Variants in GSE1 observed in about 807,000 individuals in gnomAD.
GSE1 encodes Gse1 coiled-coil protein.
A neutral mutation model predicts 112.6 loss-of-function variants in GSE1; 32 were observed. That is an observed-to-expected ratio of 0.28 (90% CI 0.21 to 0.38). The LOEUF (loss-of-function observed/expected upper bound fraction) is 0.38. GSE1 is among the 10% of genes least tolerant of loss of function. The pLI, the probability that GSE1 is intolerant of heterozygous loss-of-function variation, is 1.00. For missense variants in GSE1, 2,348 were observed against 1,699.2 expected (o/e 1.38, Z -6.71); for synonymous variants, 1,115 against 735.6 (o/e 1.52, Z -8.35).
chr16:85,419,664 C>T lies in GSE1; in HGVS notation c.2464+62021C>T, dbSNP rs574854132. ...TAACATTATGCCAGAACATGCCAGC[C>T]TTTCTCATGCCTCGGGTGCAGTCGT... On this transcript the variant is annotated intron_variant, in intron 2 of 2. Coordinates refer to the GSE1 transcript ENST00000637419. This position sits in a 1 kb window ranked among gnomAD's most constrained non-coding sequence, Gnocchi z 6.5. Among the ~76,000 whole-genome samples, 3 of 152,128 alleles carry T rather than the reference C, an allele frequency of 2.0e-5. No homozygotes were observed. The highest frequency in any genetic ancestry group is 4.8e-5 in the African/African-American group (2 of 41,418).
chr16:85,331,702 TATATA>T lies in GSE1; in HGVS notation c.2284-25760_2284-25756del, dbSNP rs1180272225. Among the ~76,000 whole-genome samples the T allele has an allele frequency of 4.2e-3, 225 of 53,112 alleles. 7 individuals are homozygous for T. The highest frequency in any genetic ancestry group is 5.4e-3 in the African/African-American group (86 of 15,950). The allele number at this position is 53,112 out of a possible 152,430, so 34.8% of individuals were successfully genotyped here. A position where few individuals can be genotyped will look rare whatever the true frequency, so the allele number is the denominator to read the frequency against. Reference sequence around the variant, plus strand: ...GTGTGTGTGTATATATATATATATATATATATTTTTTTTTTTTTTTTTTTTAGTTA... The same window carrying T: ...GTGTGTGTGTATATATATATATATATTTTTTTTTTTTTTTTTTTTTAGTTA... On this transcript the variant is annotated intron_variant, in intron 1 of 2. Transcript: ENST00000637419.
chr16:85,396,285 G>C (rs938314456), intron 2 of GSE1, among the ~76,000 whole-genome samples: 1 of 152,196 alleles, frequency 6.6e-6, no homozygotes, highest in African/African-American at 2.4e-5. Flanking sequence ...GCACTGGGGC[G>C]GGGGGAGTTG....
chr16:85,374,975 A>G (rs2047387280), intron 2 of GSE1, among the ~76,000 whole-genome samples: 2 of 152,166 alleles, frequency 1.3e-5, no homozygotes. Context: ...GTGTCATGGT[A>G]GAAAACAGGG....
In GSE1 at chr16:85,409,904, C is replaced by G. The variant is rs188036918; in HGVS notation, c.2464+52261C>G. ...GATAATCCTCACTGTTACTCTCAGG[C>G]CCCCCCGGATAATCCTCACTGTTAC... On this transcript the variant is annotated intron_variant, in intron 2 of 2. Coordinates refer to the GSE1 transcript ENST00000637419. 1.1e-3 allele frequency among the ~76,000 whole-genome samples: 7 copies of G among 6,438 alleles called. 2 individuals are homozygous for G. Among genetic ancestry groups the G allele is most frequent in the African/African-American group, 2.0e-3 (4 of 1,998 alleles). 4.2% of individuals were successfully genotyped at this position (6,438 alleles called of 152,430 possible).
At chr16:85,428,763 A>C (rs988453461) in intron 2 of GSE1, among the ~76,000 whole-genome samples, 1 of 152,046 alleles carries the variant, frequency 6.6e-6, no homozygotes, top group Non-Finnish European at 1.5e-5. Context: ...CCCCCATTCT[A>C]GTTACCAGGG....
At chr16:85,515,559 C>T (rs1279538278) in intron 2 of GSE1, among the ~76,000 whole-genome samples, 2 of 151,754 alleles carry the variant, frequency 1.3e-5, no homozygotes, top group Non-Finnish European at 2.9e-5. Flanking sequence ...GGCCTGTGTC[C>T]TCTGAGGACC....
intron 11 of GSE1, chr16:85,664,793 T>A (rs1366830331): frequency 3.9e-6 from 2 of 508,486 alleles, no homozygotes; most frequent in Non-Finnish European, 7.0e-6. Context: ...ACAGCTGTCT[T>A]TGGAGCACGT....
chr16:85,621,372 G>A (rs1193393821), intron 1 of GSE1, among the ~76,000 whole-genome samples: 2 of 152,254 alleles, frequency 1.3e-5, no homozygotes, highest in East Asian at 1.9e-4. Flanking sequence ...ACCGCCCCCC[G>A]TGCTGGGGTG....
chr16:85,411,026 A>G (rs2048522517), intron 2 of GSE1, among the ~76,000 whole-genome samples: 1 of 67,438 alleles, frequency 1.5e-5, no homozygotes, highest in Non-Finnish European at 2.5e-5. Context: ...CCCCTGGATA[A>G]TCCTCACTGT....
At position 85,674,784 on chromosome 16, in the gene GSE1, G is replaced by C. The variant is rs986940837; in HGVS notation, c.*2245G>C. 1 of 152,450 alleles carries C rather than the reference G, an allele frequency of 6.6e-6. No homozygotes were observed. The highest frequency in any genetic ancestry group is 2.4e-5 in the African/African-American group (1 of 41,432). The allele number at this position is 152,450 out of a possible 1,614,324, so 9.4% of individuals were successfully genotyped here. ...GAGAGGTCTGCCCAGGGTGGGAGCA[G>C]TGTCACTGTGCTAGCAATAGTTGGC... On this transcript the variant is annotated 3_prime_UTR_variant, in exon 16 of 16. Coordinates refer to ENST00000253458, the MANE Select transcript of GSE1 (RefSeq NM_014615.5).
At chr16:85,420,333 G>A (rs564567386) in intron 2 of GSE1, among the ~76,000 whole-genome samples, 1 of 152,106 alleles carries the variant, frequency 6.6e-6, no homozygotes, top group African/African-American at 2.4e-5. Flanking sequence ...TCCAACTTTG[G>A]GTGTCCAGGA....
At chr16:85,363,447 A>G (rs1398887745) in intron 2 of GSE1, among the ~76,000 whole-genome samples, 2 of 151,838 alleles carry the variant, frequency 1.3e-5, no homozygotes, top group African/African-American at 4.8e-5. Context: ...CTTACCTCCA[A>G]CCCTGGCCGA....
At chr16:85,544,450 A>T (rs991671291) in intron 2 of GSE1, among the ~76,000 whole-genome samples, 1 of 152,220 alleles carries the variant, frequency 6.6e-6, no homozygotes, top group Non-Finnish European at 1.5e-5. Context: ...CAGAAAGAGC[A>T]GGCGAGGAAG....
chr16:85,389,295 A>G (rs1438835829), intron 2 of GSE1, among the ~76,000 whole-genome samples: 1 of 152,100 alleles, frequency 6.6e-6, no homozygotes, highest in African/African-American at 2.4e-5. Context: ...CCCCGTCTCT[A>G]CTAAAAATAC....
intron 2 of GSE1, among the ~76,000 whole-genome samples, chr16:85,501,110 C>T (rs2051352007): frequency 7.0e-6 from 1 of 143,854 alleles, no homozygotes; most frequent in South Asian, 2.3e-4. Flanking sequence ...ACACCATTCT[C>T]CTGCCTCAGC....
At position 85,598,621 on chromosome 16, in the gene GSE1, G is replaced by C. The variant is rs555521796; in HGVS notation, c.37+42258G>C. 1.1e-4 allele frequency among the ~76,000 whole-genome samples: 16 copies of C among 152,376 alleles called. No individual in the cohort carries two copies. In the East Asian group the frequency reaches 3.1e-3, roughly 29 times the overall value. ...AGCCACCAAGGAGCATTGCAGCAAAGGCAAGGGAAGACGCCTTCTGGGCAG... is the reference window on the plus strand; with the variant it reads ...AGCCACCAAGGAGCATTGCAGCAAACGCAAGGGAAGACGCCTTCTGGGCAG... On this transcript the variant is annotated intron_variant, in intron 1 of 2. Coordinates refer to the GSE1 transcript ENST00000635906.
chr16:85,653,576 C>T (rs978810942), intron 3 of GSE1, among the ~76,000 whole-genome samples: 1 of 151,884 alleles, frequency 6.6e-6, no homozygotes, highest in East Asian at 2.0e-4. Flanking sequence ...TCCACTGTGT[C>T]CAGGAGCCTG....
In GSE1 at chr16:85,483,269, T is replaced by C. The variant is rs1010275801; in HGVS notation, c.2464+125626T>C. On this transcript the variant is annotated intron_variant, in intron 2 of 2. Transcript: ENST00000637419. ...TCCCGAGCTTTCAGAGGAGGAAGCC[T>C]CAGCTGTCGTTCCCGCTGTTCCCTG... is the stretch of plus-strand genomic sequence containing the variant. Among the ~76,000 whole-genome samples the C allele has an allele frequency of 3.3e-5, 5 of 152,356 alleles. No homozygotes were observed. The East Asian group carries it at 9.6e-4, about 29-fold the overall frequency.
intron 2 of GSE1, among the ~76,000 whole-genome samples, chr16:85,365,995 G>C (rs766130874): frequency 1.3e-5 from 2 of 152,256 alleles, no homozygotes; most frequent in African/African-American, 4.8e-5. Context: ...GAATGTGTGA[G>C]CTGGGCCTGC....
Sources: gnomAD v4.1 joint callset for allele counts (sites outside exome capture counted in the v4.1 genomes callset) on GRCh38, gnomAD v4.1.1 for gene constraint, Gnocchi (gnomAD v3.1) non-coding constraint, MANE v1.5 for transcripts, NCBI Gene and HGNC (gene_info 2026-07-23, HGNC 2026-07-21) for gene names.